Variants in MGMT observed in about 807,000 individuals in gnomAD.
MGMT encodes methylated-DNA--protein-cysteine methyltransferase.
In MGMT, 14 loss-of-function variants were observed where a neutral mutation model predicts 15.9. That is an observed-to-expected ratio of 0.88 (90% CI 0.58 to 1.37). The LOEUF is 1.37. MGMT is among the 40% of genes most tolerant of loss of function. MGMT has a pLI of 0.00. For synonymous variants in MGMT, 130 were observed against 118.2 expected (o/e 1.10, Z -0.65); for missense variants, 282 against 268.1 (o/e 1.05, Z -0.36).
chr10:129,747,477 A>G (rs1051542441), intron 3 of MGMT, among the ~76,000 whole-genome samples: 4 of 152,156 alleles, frequency 2.6e-5, no homozygotes, highest in East Asian at 3.9e-4. Context: ...TATGATAGCT[A>G]TTGTTCGTTT....
chr10:129,648,292 T>C (rs545177634), intron 2 of MGMT, among the ~76,000 whole-genome samples: 15 of 152,182 alleles, frequency 9.9e-5, no homozygotes, highest in Non-Finnish European at 1.9e-4. Flanking sequence ...GTAGCACAAT[T>C]TTCCCTGTGT....
chr10:129,590,313 A>G (rs1846667856), intron 2 of MGMT, among the ~76,000 whole-genome samples: 1 of 152,254 alleles, frequency 6.6e-6, no homozygotes, highest in Admixed American at 6.5e-5. Context: ...TAGTAAACCA[A>G]GATGTGCTTA....
chr10:129,588,664 G>A (rs1280403835), intron 2 of MGMT, among the ~76,000 whole-genome samples: 1 of 152,150 alleles, frequency 6.6e-6, no homozygotes, highest in Non-Finnish European at 1.5e-5. Context: ...TGCCTGTACT[G>A]CGAGCCAGCA....
At chr10:129,505,784 G>A (rs1030945946) in intron 1 of MGMT, among the ~76,000 whole-genome samples, 1 of 152,122 alleles carries the variant, frequency 6.6e-6, no homozygotes, top group African/African-American at 2.4e-5. Context: ...CTTGCTCATG[G>A]TGTCTTATTT....
chr10:129,711,370 T>C (rs949836855), intron 3 of MGMT, among the ~76,000 whole-genome samples: 2 of 152,246 alleles, frequency 1.3e-5, no homozygotes, highest in Non-Finnish European at 2.9e-5. Flanking sequence ...GCTAGGTAGC[T>C]GTTGAAGTAT....
chr10:129,739,730 G>A (rs1589969366), intron 3 of MGMT, among the ~76,000 whole-genome samples: 2 of 152,130 alleles, frequency 1.3e-5, no homozygotes, highest in East Asian at 3.9e-4. Flanking sequence ...TTTGAATGTG[G>A]CCCAACATAA....
chr10:129,654,965 T>C (rs1306650340), intron 2 of MGMT, among the ~76,000 whole-genome samples: 3 of 152,174 alleles, frequency 2.0e-5, no homozygotes, highest in Non-Finnish European at 4.4e-5. Context: ...ATAATGGTCT[T>C]TGCAAATTCC....
At chr10:129,565,083 G>T (rs1349624541) in intron 2 of MGMT, among the ~76,000 whole-genome samples, 1 of 152,234 alleles carries the variant, frequency 6.6e-6, no homozygotes, top group African/African-American at 2.4e-5. Context: ...GGGAAAGAGG[G>T]GCATCTAGCT....
chr10:129,501,625 A>G (rs1845575413), intron 1 of MGMT, among the ~76,000 whole-genome samples: 1 of 152,194 alleles, frequency 6.6e-6, no homozygotes, highest in Non-Finnish European at 1.5e-5. Flanking sequence ...TCTGTTTATC[A>G]TCAAGATAAG....
chr10:129,525,658 C>T (rs767235048), intron 1 of MGMT, among the ~76,000 whole-genome samples: 13 of 152,150 alleles, frequency 8.5e-5, no homozygotes, highest in African/African-American at 1.7e-4. Flanking sequence ...TAATAAAAAC[C>T]GGCACACCTC....
chr10:129,474,360 T>G (rs1845266035), intron 1 of MGMT, among the ~76,000 whole-genome samples: 1 of 152,132 alleles, frequency 6.6e-6, no homozygotes, highest in Non-Finnish European at 1.5e-5. Flanking sequence ...GAGGTATAGC[T>G]GGGGTCAACC....
At chr10:129,506,900 G>A (rs878887079) in intron 1 of MGMT, among the ~76,000 whole-genome samples, 1 of 151,376 alleles carries the variant, frequency 6.6e-6, no homozygotes, top group East Asian at 2.0e-4. Flanking sequence ...TCTTCTCTGG[G>A]TTTCTTTGAG....
At chr10:129,573,927 A>G (rs1846448681) in intron 2 of MGMT, among the ~76,000 whole-genome samples, 1 of 152,254 alleles carries the variant, frequency 6.6e-6, no homozygotes, top group Non-Finnish European at 1.5e-5. Flanking sequence ...TTTTTATATC[A>G]TTAACCAATT....
At chr10:129,682,678 G>A (rs1847866063) in intron 2 of MGMT, among the ~76,000 whole-genome samples, 1 of 152,154 alleles carries the variant, frequency 6.6e-6, no homozygotes. Context: ...AAATAAGATA[G>A]GTAGTTTAGT....
At chr10:129,578,692 GAAAC>G (rs1420143606) in intron 2 of MGMT, among the ~76,000 whole-genome samples, 4 of 152,092 alleles carry the variant, frequency 2.6e-5, no homozygotes, top group Admixed American at 1.3e-4. Flanking sequence ...TAATAAGAAA[GAAAC>G]AAGATGAGCT....
chr10:129,699,081 T>C (rs1464488595), intron 2 of MGMT, among the ~76,000 whole-genome samples: 2 of 152,204 alleles, frequency 1.3e-5, no homozygotes. Context: ...TGGGGTGTTT[T>C]TATCTTCATC....
chr10:129,576,541 T>C (rs982290710), intron 2 of MGMT, among the ~76,000 whole-genome samples: 3 of 152,170 alleles, frequency 2.0e-5, no homozygotes, highest in African/African-American at 7.2e-5. Context: ...TATCTCAAAA[T>C]AATAAGTGCT....
intron 1 of MGMT, among the ~76,000 whole-genome samples, chr10:129,529,036 C>G (rs558936321): frequency 6.6e-6 from 1 of 151,904 alleles, no homozygotes; most frequent in African/African-American, 2.4e-5. Context: ...CTGTTTTCGG[C>G]GGCTTCTCTG....
At chr10:129,599,787 T>G (rs770786734) in intron 2 of MGMT, among the ~76,000 whole-genome samples, 9 of 152,222 alleles carry the variant, frequency 5.9e-5, no homozygotes, top group Non-Finnish European at 1.3e-4. Flanking sequence ...CTATACTGTT[T>G]GTCATGAAAA....
Sources: gnomAD v4.1 joint callset for allele counts (sites outside exome capture counted in the v4.1 genomes callset) on GRCh38, gnomAD v4.1.1 for gene constraint, MANE v1.5 for transcripts, NCBI Gene and HGNC (gene_info 2026-07-23, HGNC 2026-07-21) for gene names.